The following NAT1 variants were observed in gnomAD, a reference collection of about 807,000 sequenced individuals.
NAT1 encodes N-acetyltransferase 1.
For synonymous variants in NAT1, 144 were observed against 122.6 expected, an observed-to-expected ratio of 1.17 and a Z score of -1.16; for missense variants, 400 against 339.2, an observed-to-expected ratio of 1.18 and a Z score of -1.41.
chr8:18,196,389 A>G (rs955653161), intron 2 of NAT1, among the ~76,000 whole-genome samples: 3 of 152,170 alleles, frequency 2.0e-5, no homozygotes, highest in Non-Finnish European at 4.4e-5. Flanking sequence ...GTAGGGATGA[A>G]CATATGAGGA....
At chr8:18,185,847 T>G (rs1295049952) in intron 2 of NAT1, among the ~76,000 whole-genome samples, 1 of 152,178 alleles carries the variant, frequency 6.6e-6, no homozygotes, top group Non-Finnish European at 1.5e-5. Flanking sequence ...TTTGATATGT[T>G]ACATTTTGTT....
At chr8:18,172,447 C>G (rs987118423) in intron 2 of NAT1, among the ~76,000 whole-genome samples, 2 of 152,206 alleles carry the variant, frequency 1.3e-5, no homozygotes, top group Non-Finnish European at 2.9e-5. Context: ...CATCCCTGTC[C>G]ACCATATAAT....
At chr8:18,182,317 A>G (rs1231971180) in intron 2 of NAT1, among the ~76,000 whole-genome samples, 2 of 152,144 alleles carry the variant, frequency 1.3e-5, no homozygotes, top group African/African-American at 4.8e-5. Context: ...CCAATGTATC[A>G]GTCTTTTTTT....
At chr8:18,190,683 C>T (rs1047720946) in intron 2 of NAT1, among the ~76,000 whole-genome samples, 1 of 152,156 alleles carries the variant, frequency 6.6e-6, no homozygotes, top group Non-Finnish European at 1.5e-5. Context: ...CAGTTTTATG[C>T]CTTCTGTCTT....
At chr8:18,185,501 T>C (rs1167992691) in intron 2 of NAT1, among the ~76,000 whole-genome samples, 1 of 152,190 alleles carries the variant, frequency 6.6e-6, no homozygotes, top group Admixed American at 6.5e-5. Flanking sequence ...AATATTCCCC[T>C]TTTCAATCCT....
chr8:18,211,192 G>C (rs567557602), intron 1 of NAT1: 46 of 152,334 alleles, frequency 3.0e-4, no homozygotes, highest in Middle Eastern at 3.4e-3. Flanking sequence ...TTCACCGTCA[G>C]ACCGAGAGCA....
At chr8:18,221,318 T>TC (rs1406167046) in intron 2 of NAT1, among the ~76,000 whole-genome samples, 1 of 151,610 alleles carries the variant, frequency 6.6e-6, no homozygotes, top group East Asian at 1.9e-4. Context: ...GTGTGTTTTT[T>TC]TTTTTTTTTA....
intron 2 of NAT1, among the ~76,000 whole-genome samples, chr8:18,195,516 C>T (rs1803192852): frequency 6.6e-6 from 1 of 152,120 alleles, no homozygotes; most frequent in African/African-American, 2.4e-5. Flanking sequence ...GAAGTTTGGA[C>T]CCATCCCCAG....
intron 2 of NAT1, among the ~76,000 whole-genome samples, chr8:18,183,895 C>G (rs552101064): frequency 2.6e-5 from 4 of 152,274 alleles, no homozygotes; most frequent in African/African-American, 9.6e-5. Context: ...TTGGGTTGAC[C>G]TCCCAAGGCC....
chr8:18,193,502 A>G (rs902529459), intron 2 of NAT1, among the ~76,000 whole-genome samples: 1 of 131,314 alleles, frequency 7.6e-6, no homozygotes, highest in Non-Finnish European at 1.5e-5. Flanking sequence ...ATATATATAT[A>G]TATAATATAT....
chr8:18,187,878 C>G (rs1005048300), intron 2 of NAT1, among the ~76,000 whole-genome samples: 1 of 151,202 alleles, frequency 6.6e-6, no homozygotes, highest in Admixed American at 6.6e-5. Context: ...CTGAAAGAAA[C>G]TGCTACTTTT....
chr8:18,182,421 A>G (rs549152401), intron 2 of NAT1, among the ~76,000 whole-genome samples: 2 of 152,252 alleles, frequency 1.3e-5, no homozygotes, highest in African/African-American at 4.8e-5. Context: ...TTCTGCACTG[A>G]TGTTTATTGG....
In NAT1 at chr8:18,216,521, C is replaced by G. The variant is rs374253255; in HGVS notation, c.-85-2890C>G. 2.5e-3 allele frequency among the ~76,000 whole-genome samples: 387 copies of G among 152,240 alleles called. 2 individuals carry two copies. Among genetic ancestry groups the G allele is most frequent in the South Asian group, 9.3e-3 (45 of 4,826 alleles). Reference sequence around the variant, plus strand: ...TCTAGTAAGGAAACCACAGCATATCCTGCTCTAAAATGTCCATTTTCTCAT... The same window carrying G: ...TCTAGTAAGGAAACCACAGCATATCGTGCTCTAAAATGTCCATTTTCTCAT... On this transcript the variant is annotated intron_variant, in intron 1 of 2. Transcript: ENST00000307719.
rs1474593589 is a variant in NAT1, at chr8:18,222,733, A to ATGGGGTTCACTGTTTGG, written c.691_707dup (p.Leu239ValfsTer20). 1 of 1,613,896 alleles carries ATGGGGTTCACTGTTTGG rather than the reference A, an allele frequency of 6.2e-7. No individual in the cohort carries two copies. Among genetic ancestry groups the ATGGGGTTCACTGTTTGG allele is most frequent in the Non-Finnish European group, 8.5e-7 (1 of 1,179,950 alleles). On this transcript the variant is annotated frameshift_variant, in exon 3 of 3. Coordinates refer to ENST00000307719, the MANE Select transcript of NAT1 (RefSeq NM_000662.8). LOFTEE classifies it low-confidence loss of function (END_TRUNC). ...TCATTTTGTTCCTTGCAGACCCCAG[A>ATGGGGTTCACTGTTTGG]TGGGGTTCACTGTTTGGTGGGCTTC... is the stretch of plus-strand genomic sequence containing the variant.
At chr8:18,216,412 G>A (rs1013796456) in intron 1 of NAT1, among the ~76,000 whole-genome samples, 2 of 152,094 alleles carry the variant, frequency 1.3e-5, no homozygotes, top group Non-Finnish European at 1.5e-5. Flanking sequence ...CTTGTCTTTT[G>A]CCACTTGACA....
intron 1 of NAT1, chr8:18,216,880 T>G: frequency 6.5e-7 from 1 of 1,541,074 alleles, no homozygotes; most frequent in Non-Finnish European, 8.8e-7. Flanking sequence ...TCAACAGACG[T>G]GTACAGAAGG....
Position 18,222,102 on chromosome 8 carries a change from T to A in NAT1, c.55T>A (p.Leu19Met). The A allele has an allele frequency of 6.2e-7, 1 of 1,614,092 alleles. No homozygotes were observed. Among genetic ancestry groups the A allele is most frequent in the East Asian group, 2.2e-5 (1 of 44,880 alleles). Residue 19 changes from leucine to methionine, a missense_variant, in exon 3 of 3, where the codon TTG becomes ATG. Physicochemically the swap from Leu to Met is conservative, Grantham distance 15 (BLOSUM62 2). Coordinates refer to ENST00000307719, the MANE Select transcript of NAT1 (RefSeq NM_000662.8). ...RIGYKKSRNK[L>M]DLETLTDILQ... ...TGGCTATAAGAAGTCTAGGAACAAATTGGACTTGGAAACATTAACTGACAT... is the reference window on the plus strand; with the variant it reads ...TGGCTATAAGAAGTCTAGGAACAAAATGGACTTGGAAACATTAACTGACAT...
At chr8:18,190,040 T>G (rs1802918643) in intron 2 of NAT1, among the ~76,000 whole-genome samples, 1 of 152,210 alleles carries the variant, frequency 6.6e-6, no homozygotes, top group African/African-American at 2.4e-5. Flanking sequence ...TCTGTCCACC[T>G]TGGCCTCCCA....
chr8:18,213,809 G>A (rs1212368038), intron 1 of NAT1, among the ~76,000 whole-genome samples: 2 of 151,094 alleles, frequency 1.3e-5, no homozygotes, highest in South Asian at 2.1e-4. Context: ...AATTTTTAAC[G>A]TCATATTTCT....
Sources: allele counts gnomAD v4.1 joint callset (sites outside exome capture counted in the v4.1 genomes callset), GRCh38; gene constraint gnomAD v4.1.1; transcripts MANE v1.5; gene names NCBI Gene and HGNC (gene_info 2026-07-23, HGNC 2026-07-21).